Variants in CYTIP observed in about 807,000 individuals in gnomAD.
CYTIP encodes the protein cytohesin 1 interacting protein, also known as cytohesin-interacting protein.
Under a neutral mutation model 43.8 loss-of-function variants are expected in CYTIP, and 26 were observed. The ratio of observed to expected loss-of-function variants is 0.59; its 90% confidence interval spans 0.44 to 0.82. The LOEUF (loss-of-function observed/expected upper bound fraction) is 0.82, where lower values mean the gene tolerates loss of function less well. CYTIP is among the 40% of genes least tolerant of loss of function. The pLI is 0.00. For synonymous variants in CYTIP, 162 were observed against 162.9 expected (o/e 0.99, Z 0.04); for missense variants, 426 against 443.1 (o/e 0.96, Z 0.35).
chr2:157,442,472 C>CA (rs35681381), intron 1 of CYTIP, among the ~76,000 whole-genome samples: 38 of 136,198 alleles, frequency 2.8e-4, no homozygotes, highest in Non-Finnish European at 3.5e-4. Flanking sequence ...CAGTCTCCAG[C>CA]AAAAAAAAAA....
In CYTIP at chr2:157,434,363, T is replaced by C; in HGVS notation, c.279+7A>G. On this transcript the variant is annotated splice_region_variant and intron_variant, in intron 3 of 7. Coordinates refer to ENST00000264192, the MANE Select transcript of CYTIP (RefSeq NM_004288.5). ...TTGGAAGTCTAGAAAATGTGAAAAT[T>C]GCCCACCTGAATTTCAAATCCAAAT... 1 of 1,610,956 alleles carries C rather than the reference T, an allele frequency of 6.2e-7. No homozygotes were observed. Among genetic ancestry groups the C allele is most frequent in the Non-Finnish European group, 8.5e-7 (1 of 1,177,292 alleles).
chr2:157,434,103 T>C (rs1003258542), intron 3 of CYTIP: 16 of 501,768 alleles, frequency 3.2e-5, no homozygotes, highest in African/African-American at 3.1e-4. Context: ...CCAACCTAGC[T>C]GATCAGTCTG....
chr2:157,434,513 T>C (rs551716126), intron 2 of CYTIP, 89 bp from the exon 3 acceptor site: 1 of 1,126,270 alleles, frequency 8.9e-7, no homozygotes, highest in Non-Finnish European at 1.3e-6. Context: ...ACTGTCACAA[T>C]TAAAAATAAC....
At chr2:157,429,087 A>G (rs1685657950) in intron 5 of CYTIP, among the ~76,000 whole-genome samples, 1 of 152,236 alleles carries the variant, frequency 6.6e-6, no homozygotes, top group African/African-American at 2.4e-5. Context: ...AGAATAAATG[A>G]CACAATATAT....
chr2:157,433,879 G>A (rs1349890339), intron 3 of CYTIP, among the ~76,000 whole-genome samples: 1 of 152,102 alleles, frequency 6.6e-6, no homozygotes, highest in African/African-American at 2.4e-5. Flanking sequence ...TGTACAATAT[G>A]AACTCTAGTT....
At chr2:157,427,026 C>CT (rs1347924983) in intron 6 of CYTIP, among the ~76,000 whole-genome samples, 2 of 152,094 alleles carry the variant, frequency 1.3e-5, no homozygotes, top group Admixed American at 1.3e-4. Flanking sequence ...AAATAATGAC[C>CT]TTTTTTGTTT....
chr2:157,431,195 C>T (rs1023230540), intron 3 of CYTIP, among the ~76,000 whole-genome samples: 2 of 152,118 alleles, frequency 1.3e-5, no homozygotes, highest in African/African-American at 4.8e-5. Context: ...ATGAGAGTGG[C>T]TCAAGATTTT....
At chr2:157,437,088 T>A (rs193225199) in intron 1 of CYTIP, among the ~76,000 whole-genome samples, 1 of 152,170 alleles carries the variant, frequency 6.6e-6, no homozygotes, top group African/African-American at 2.4e-5. Context: ...AAAACCTTCA[T>A]GTAAAACCTG....
intron 3 of CYTIP, 106 bp downstream of exon 3, chr2:157,434,264 G>T: frequency 1.1e-6 from 1 of 899,850 alleles, no homozygotes; most frequent in Non-Finnish European, 1.9e-6. Flanking sequence ...AAAGTCATAG[G>T]CTCCATCATT....
At chr2:157,438,232 A>G (rs754782813) in intron 1 of CYTIP, among the ~76,000 whole-genome samples, 3 of 152,236 alleles carry the variant, frequency 2.0e-5, no homozygotes, top group Non-Finnish European at 2.9e-5. Flanking sequence ...AGCAACATGG[A>G]TTGAACTGGA....
At chr2:157,423,297 A>T (rs1348052094) in intron 6 of CYTIP, among the ~76,000 whole-genome samples, 7 of 152,032 alleles carry the variant, frequency 4.6e-5, no homozygotes, top group African/African-American at 1.7e-4. Context: ...AGAAAGAGTT[A>T]TCAAGAAAAA....
chr2:157,427,241 C>T (rs1194716466), intron 6 of CYTIP, 110 bp downstream of exon 6: 1 of 863,250 alleles, frequency 1.2e-6, no homozygotes, highest in Non-Finnish European at 1.8e-6. Context: ...TTTAGATTCA[C>T]CACGACATTT....
intron 2 of CYTIP, 88 bp downstream of exon 2, chr2:157,434,610 A>AGG: frequency 1.0e-6 from 1 of 966,094 alleles, no homozygotes; most frequent in Non-Finnish European, 1.6e-6. Context: ...AGAGAGAGAG[A>AGG]GAGAGAGGAA....
chr2:157,425,905 T>C (rs1323888556), intron 6 of CYTIP, among the ~76,000 whole-genome samples: 2 of 152,098 alleles, frequency 1.3e-5, no homozygotes, highest in Non-Finnish European at 2.9e-5. Flanking sequence ...ATTTACAGTA[T>C]ATTGATGATC....
Position 157,438,410 on chromosome 2 carries a change from T to C in CYTIP, c.175-3663A>G, listed in dbSNP as rs565877422. On this transcript the variant is annotated intron_variant, in intron 1 of 7. Transcript: ENST00000264192. ...AAGAAATGGATAGGGACACACTTGT[T>C]AAAGGATAAAAAATTACAGCTAGAT... 6.6e-5 allele frequency among the ~76,000 whole-genome samples: 10 copies of C among 152,284 alleles called. No homozygotes were observed. In the South Asian group the frequency reaches 8.3e-4, roughly 13 times the overall value.
At chr2:157,442,373 T>A (rs191018138) in intron 1 of CYTIP, among the ~76,000 whole-genome samples, 7 of 151,790 alleles carry the variant, frequency 4.6e-5, no homozygotes, top group Non-Finnish European at 1.0e-4. Context: ...TTGAATTGCA[T>A]GGGCTAGAGA....
At chr2:157,432,078 A>T (rs1027492926) in intron 3 of CYTIP, among the ~76,000 whole-genome samples, 2 of 152,146 alleles carry the variant, frequency 1.3e-5, no homozygotes, top group Non-Finnish European at 2.9e-5. Context: ...TATAGCCTAG[A>T]CCCTTCTGGA....
At chr2:157,435,432 C>T (rs544589704) in intron 1 of CYTIP, among the ~76,000 whole-genome samples, 2 of 152,054 alleles carry the variant, frequency 1.3e-5, no homozygotes, top group South Asian at 2.1e-4. Context: ...AAATTTCCAG[C>T]CAAGAAAGGA....
intron 6 of CYTIP, among the ~76,000 whole-genome samples, chr2:157,423,998 T>C (rs956992819): frequency 1.3e-5 from 2 of 152,164 alleles, no homozygotes; most frequent in Admixed American, 1.3e-4. Context: ...GTCTCCTTAA[T>C]CTGAAAGATA....
Sources: allele counts gnomAD v4.1 joint callset (sites outside exome capture counted in the v4.1 genomes callset), GRCh38; gene constraint gnomAD v4.1.1; transcripts MANE v1.5; gene names NCBI Gene and HGNC (gene_info 2026-07-23, HGNC 2026-07-21).